FAM135A: variants seen among roughly 807,000 people sequenced by gnomAD.
The protein encoded by FAM135A is protein FAM135A.
A neutral mutation model predicts 146.8 loss-of-function variants in FAM135A; 79 were observed. The ratio of observed to expected loss-of-function variants is 0.54; its 90% CI spans 0.45 to 0.65. The LOEUF is 0.65. FAM135A is among the 30% of genes least tolerant of loss of function. The probability of loss-of-function intolerance (pLI) is 0.00; values close to 1 mark genes in which losing one functional copy is unlikely to be tolerated. For missense variants in FAM135A, 1,623 were observed against 1,758.2 expected (o/e 0.92, Z 1.38); for synonymous variants, 562 against 603.6 (o/e 0.93, Z 1.01).
chr6:70,546,248 C>T (rs1311607431), intron 20 of FAM135A, among the ~76,000 whole-genome samples: 1 of 152,120 alleles, frequency 6.6e-6, no homozygotes, highest in Non-Finnish European at 1.5e-5. Flanking sequence ...ATATGCTATT[C>T]TCAAGTGTTT....
chr6:70,425,668 C>T (rs558859624), intron 2 of FAM135A, among the ~76,000 whole-genome samples: 1 of 152,134 alleles, frequency 6.6e-6, no homozygotes, highest in Non-Finnish European at 1.5e-5. Flanking sequence ...CTATCCATAG[C>T]ACATTGAAGC....
chr6:70,517,108 T>A (rs1792449211), intron 12 of FAM135A, among the ~76,000 whole-genome samples: 1 of 152,246 alleles, frequency 6.6e-6, no homozygotes, highest in Non-Finnish European at 1.5e-5. Flanking sequence ...ATTTATAGTA[T>A]ATAATTTGAT....
chr6:70,451,451 C>T (rs574833877), intron 4 of FAM135A, among the ~76,000 whole-genome samples: 7 of 152,264 alleles, frequency 4.6e-5, no homozygotes, highest in Admixed American at 1.3e-4. Context: ...GATTCCACTT[C>T]GATCTTTTTT....
intron 20 of FAM135A, among the ~76,000 whole-genome samples, chr6:70,551,227 CTT>C (rs1799773319): frequency 6.6e-6 from 1 of 152,224 alleles, no homozygotes; most frequent in African/African-American, 2.4e-5. Context: ...TTGACTAACT[CTT>C]TGGCACAAGA....
intron 4 of FAM135A, among the ~76,000 whole-genome samples, chr6:70,430,310 C>A (rs899456639): frequency 3.3e-5 from 5 of 151,742 alleles, no homozygotes; most frequent in Non-Finnish European, 7.4e-5. Context: ...GCACTCCAGC[C>A]TGGGTAACAG....
chr6:70,559,856 G>A lies in FAM135A; in HGVS notation c.4483G>A (p.Val1495Ile). The change falls in exon 22 of 22, where the codon GTT becomes ATT. Residue 1495 changes from valine (V) to isoleucine (I), a missense_variant. By Grantham distance (29) the Val-to-Ile change is conservative. Around this residue, in one of 7 missense-constraint regions of FAM135A, gnomAD observed 138 missense variants for 174.1 expected, o/e 0.79. Coordinates refer to ENST00000418814, the MANE Select transcript of FAM135A (RefSeq NM_001162529.3). Reference protein sequence around the residue: ...SLIGRAAHIAVLDSEIFLEKF... With the variant: ...SLIGRAAHIAILDSEIFLEKF... Reference sequence around the variant, plus strand: ...CATTGGGAGAGCTGCACATATAGCTGTTCTTGATTCGGAAATATTTTTAGA... The same window carrying A: ...CATTGGGAGAGCTGCACATATAGCTATTCTTGATTCGGAAATATTTTTAGA... 2.5e-6 allele frequency: 4 copies of A among 1,614,060 alleles called. No homozygotes were observed. Among genetic ancestry groups the A allele is most frequent in the Non-Finnish European group, 3.4e-6 (4 of 1,180,012 alleles).
rs777313194 is a variant in FAM135A at position 70,536,296 on chromosome 6, T to A, written c.4002T>A (p.Arg1334=). Residue 1334 remains arginine (R), a synonymous_variant, in exon 19 of 22, where the codon CGT becomes CGA. Coordinates refer to ENST00000418814, the MANE Select transcript of FAM135A (RefSeq NM_001162529.3). ...ATTCGTTGGGCAATTTAATAATTCG[T>A]TCAGTGCTTACAAGGCCAAGGTTTA... ...IGHSLGNLII[R]SVLTRPRFKY... 1 of 1,611,624 alleles carries A rather than the reference T, an allele frequency of 6.2e-7. No individual in the cohort carries two copies. Among genetic ancestry groups the A allele is most frequent in the Non-Finnish European group, 8.5e-7 (1 of 1,179,228 alleles).
chr6:70,495,032 A>C (rs1323894255), intron 11 of FAM135A, among the ~76,000 whole-genome samples: 1 of 152,202 alleles, frequency 6.6e-6, no homozygotes, highest in Non-Finnish European at 1.5e-5. Flanking sequence ...CTTATATTTT[A>C]AAGTCCATAT....
At chr6:70,530,749 T>C (rs886853888) in intron 16 of FAM135A, among the ~76,000 whole-genome samples, 3 of 152,096 alleles carry the variant, frequency 2.0e-5, no homozygotes, top group Admixed American at 6.6e-5. Flanking sequence ...TGAGACTCCA[T>C]CTCAAACAAA....
chr6:70,528,400 G>C lies in FAM135A; in HGVS notation c.3723G>C (p.Glu1241Asp). The C allele has an allele frequency of 6.2e-7, 1 of 1,613,524 alleles. No individual in the cohort carries two copies. ...SSVPYFSVEE[E>D]DGSEDGVHLI... ...TACCTTATTTTAGTGTAGAAGAAGA[G>C]GATGGTTCTGAAGATGGAGTACATC... Residue 1241 changes from glutamate (E) to aspartate (D), a missense_variant, in exon 16 of 22, where the codon GAG becomes GAC. Glu to Asp is a conservative substitution (Grantham distance 45). This residue lies in a region of FAM135A where 1,061 missense variants were observed against 1,113.8 expected (regional missense o/e 0.95). Transcript: ENST00000418814.
chr6:70,559,832 A>G lies in FAM135A; in HGVS notation c.4459A>G (p.Ile1487Val). The G allele has an allele frequency of 6.2e-7, 1 of 1,614,132 alleles. No individual in the cohort carries two copies. Among genetic ancestry groups the G allele is most frequent in the Non-Finnish European group, 8.5e-7 (1 of 1,180,012 alleles). ...ATTGCCCAATACAGCTGATTCACTC[A>G]TTGGGAGAGCTGCACATATAGCTGT... ...NALPNTADSL[I>V]GRAAHIAVLD... Residue 1487 changes from isoleucine to valine, a missense_variant, in exon 22 of 22, where the codon ATT (isoleucine) becomes GTT (valine). Ile to Val is a conservative substitution (Grantham distance 29). Transcript: ENST00000418814.
intron 8 of FAM135A, among the ~76,000 whole-genome samples, chr6:70,479,792 C>T (rs189399576): frequency 6.6e-6 from 1 of 152,198 alleles, no homozygotes; most frequent in East Asian, 1.9e-4. Flanking sequence ...TCAATGCAAT[C>T]TATAGACGTT....
chr6:70,528,926 G>A (rs1203782277), intron 16 of FAM135A, among the ~76,000 whole-genome samples: 1 of 150,470 alleles, frequency 6.6e-6, no homozygotes, highest in Non-Finnish European at 1.5e-5. Flanking sequence ...TTAGAAGTGA[G>A]AACATGTAGT....
intron 19 of FAM135A, 131 bp from the exon 20 acceptor site, chr6:70,538,160 T>C (rs78525529): frequency 0.15 from 69,484 of 465,054 alleles, 5,819 homozygotes; most frequent in African/African-American, 0.16. Flanking sequence ...AATATATTTT[T>C]GATTAGCCAA....
intron 10 of FAM135A, among the ~76,000 whole-genome samples, chr6:70,486,734 G>C (rs1784733100): frequency 6.6e-6 from 1 of 152,112 alleles, no homozygotes; most frequent in Admixed American, 6.6e-5. Context: ...TTGGAGACTA[G>C]CCTGACCAAC....
chr6:70,501,548 A>C (rs1262407169), intron 11 of FAM135A, among the ~76,000 whole-genome samples: 1 of 152,062 alleles, frequency 6.6e-6, no homozygotes, highest in African/African-American at 2.4e-5. Context: ...TTATGAAAAA[A>C]ACTCCTGCAG....
intron 4 of FAM135A, among the ~76,000 whole-genome samples, chr6:70,446,674 C>T (rs1775824931): frequency 6.6e-6 from 1 of 152,050 alleles, no homozygotes; most frequent in South Asian, 2.1e-4. Flanking sequence ...TACATTGAGG[C>T]ATTATTACCG....
At chr6:70,551,088 A>T (rs547865717) in intron 20 of FAM135A, among the ~76,000 whole-genome samples, 1 of 152,196 alleles carries the variant, frequency 6.6e-6, no homozygotes, top group Non-Finnish European at 1.5e-5. Context: ...AGCAGGTTTG[A>T]TCTTTCATCC....
At chr6:70,482,731 A>G (rs1025747745) in intron 10 of FAM135A, among the ~76,000 whole-genome samples, 5 of 152,166 alleles carry the variant, frequency 3.3e-5, no homozygotes, top group African/African-American at 1.2e-4. Context: ...ATAAAAAATC[A>G]TATTGCCTTG....
Sources: gnomAD v4.1 joint callset for allele counts (sites outside exome capture counted in the v4.1 genomes callset) on GRCh38, gnomAD v4.1.1 for gene constraint, gnomAD v4.1.1 regional missense constraint, MANE v1.5 for transcripts, NCBI Gene and HGNC (gene_info 2026-07-23, HGNC 2026-07-21) for gene names.